Variants in WDR91 observed in about 807,000 individuals in gnomAD.
WDR91 encodes WD repeat-containing protein 91.
WDR91 carries 52 observed loss-of-function variants against 88.4 expected under a neutral mutation model. The ratio of observed to expected loss-of-function variants is 0.59; its 90% CI spans 0.47 to 0.74. WDR91 has a LOEUF of 0.74. Among genes scored for constraint, WDR91 ranks in the 30% least tolerant of loss-of-function variants. The pLI is 0.00. For synonymous variants in WDR91, 362 were observed against 389.5 expected (o/e 0.93, Z 0.83); for missense variants, 824 against 954.5 (o/e 0.86, Z 1.80).
At chr7:135,192,594 C>T (rs1383460739) in intron 11 of WDR91, among the ~76,000 whole-genome samples, 1 of 152,212 alleles carries the variant, frequency 6.6e-6, no homozygotes, top group Non-Finnish European at 1.5e-5. Context: ...CAGAACAGAA[C>T]AAACTGAACA....
intron 6 of WDR91, among the ~76,000 whole-genome samples, chr7:135,203,649 CTATTTT>C (rs1200085894): frequency 6.6e-6 from 1 of 152,212 alleles, no homozygotes; most frequent in Non-Finnish European, 1.5e-5. Flanking sequence ...TAGCCAAACA[CTATTTT>C]TATATCACCA....
chr7:135,188,526 G>C lies in WDR91; in HGVS notation c.1788C>G (p.Cys596Trp), dbSNP rs754218720. 28 of 1,613,370 alleles carry C rather than the reference G, an allele frequency of 1.7e-5. No individual in the cohort carries two copies. The highest frequency in any genetic ancestry group is 2.3e-5 in the Non-Finnish European group (27 of 1,179,940). The change falls in exon 13 of 15, where the codon TGC (cysteine) becomes TGG (tryptophan). Residue 596 changes from cysteine to tryptophan, a missense_variant. Coordinates refer to ENST00000354475, the MANE Select transcript of WDR91 (RefSeq NM_014149.4). The part of the protein sequence containing the change: ...IRLFDMQQHE[C>W]AMSWRAHYGE... ...CGTAGTGGGCCCTCCAGCTCATCGC[G>C]CACTCATGCTGCTGCATGTCTGAGG...
Position 135,198,016 on chromosome 7 carries a change from G to A in WDR91, c.1027C>T (p.Leu343Phe), listed in dbSNP as rs757406904. The A allele has an allele frequency of 6.2e-7, 1 of 1,614,160 alleles. No individual in the cohort carries two copies. Among genetic ancestry groups the A allele is most frequent in the Non-Finnish European group, 8.5e-7 (1 of 1,179,992 alleles). The stretch of plus-strand genomic sequence containing the variant: ...ACCTGGGAAGTGGTTGTGGAGAAAA[G>A]CTCCTTCCTCTCCTTGCCATGGTCC... Reference protein sequence around the residue: ...LQDHGKERKELFSTTTSQCAE... With the variant: ...LQDHGKERKEFFSTTTSQCAE... Residue 343 changes from leucine (L) to phenylalanine (F), a missense_variant, in exon 7 of 15, where the codon CTT (leucine) becomes TTT (phenylalanine). By Grantham distance (22) the Leu-to-Phe change is conservative (BLOSUM62 0). Coordinates refer to ENST00000354475, the MANE Select transcript of WDR91 (RefSeq NM_014149.4).
Position 135,193,410 on chromosome 7 carries a change from C to A in WDR91, c.1491-11G>T, listed in dbSNP as rs368456332. On this transcript the variant is annotated splice_polypyrimidine_tract_variant and intron_variant, in intron 10 of 14. Transcript: ENST00000354475. ...GCAAGAGACAGGATTCTGCAACACA[C>A]ATGGGCCTGGGTCAGACCCTCTGCC... The A allele has an allele frequency of 5.0e-6, 8 of 1,613,872 alleles. No individual in the cohort carries two copies. The highest frequency in any genetic ancestry group is 6.8e-6 in the Non-Finnish European group (8 of 1,179,842).
intron 1 of WDR91, chr7:135,210,742 C>T: frequency 1.4e-6 from 1 of 702,616 alleles, no homozygotes; most frequent in Non-Finnish European, 2.6e-6. Context: ...TCTCCTAACT[C>T]CCCTCCAGTG....
In WDR91 at chr7:135,196,522, C is replaced by T. The variant is rs896346691; in HGVS notation, c.1051-185G>A. Among the ~76,000 whole-genome samples, 1 of 152,110 alleles carries T rather than the reference C, an allele frequency of 6.6e-6. No individual in the cohort carries two copies. The highest frequency in any genetic ancestry group is 2.4e-5 in the African/African-American group (1 of 41,418). On this transcript the variant is annotated intron_variant, in intron 7 of 14. Transcript: ENST00000354475. This position sits in a 1 kb window ranked among gnomAD's most constrained non-coding sequence, Gnocchi z 4.2. ...CACCCTGGGAGAGTGCAGGGCCTGC[C>T]CTCCTGACAGCCCCTTCCTGGAGAC...
chr7:135,195,214 A>G, intron 8 of WDR91, 130 bp from the exon 9 acceptor site: 1 of 924,434 alleles, frequency 1.1e-6, no homozygotes, highest in Non-Finnish European at 1.6e-6. Context: ...GTCTACATTC[A>G]AAGGACTGGT....
In WDR91 at chr7:135,189,416, T is replaced by C; in HGVS notation, c.1696A>G (p.Asn566Asp). 1 of 1,613,958 alleles carries C rather than the reference T, an allele frequency of 6.2e-7. No individual in the cohort carries two copies. ...FSLDPEPIAI[N>D]CTAFNHNGNL... ...CCGTTGTGATTGAAGGCTGTACAGT[T>C]GATAGCAATGGGTTCTGGATCCAGG... The change falls in exon 12 of 15, where the codon AAC becomes GAC. Residue 566 changes from asparagine (N) to aspartate (D), a missense_variant. Asn to Asp is a conservative substitution (Grantham distance 23). Coordinates refer to ENST00000354475, the MANE Select transcript of WDR91 (RefSeq NM_014149.4).
At chr7:135,191,213 C>T (rs763896708) in intron 11 of WDR91, among the ~76,000 whole-genome samples, 1 of 152,212 alleles carries the variant, frequency 6.6e-6, no homozygotes, top group Non-Finnish European at 1.5e-5. Flanking sequence ...TCTAGAAAAA[C>T]ACATATACTG....
intron 12 of WDR91, among the ~76,000 whole-genome samples, chr7:135,188,933 C>T (rs964063367): frequency 6.6e-6 from 1 of 152,170 alleles, no homozygotes; most frequent in Non-Finnish European, 1.5e-5. Context: ...CAGAGCCCAA[C>T]CTGGGGATTT....
At position 135,185,482 on chromosome 7, in the gene WDR91, G is replaced by A. The variant is rs1585396360; in HGVS notation, c.*669C>T. On this transcript the variant is annotated 3_prime_UTR_variant, in exon 15 of 15. Coordinates refer to ENST00000354475, the MANE Select transcript of WDR91 (RefSeq NM_014149.4). ...GAAACAGCAGCCACTGGATGGAAAG[G>A]GGCAGCCAGTAGCAGAGGCCTCAGC... 6.6e-6 allele frequency: 1 copy of A among 152,196 alleles called. No individual in the cohort carries two copies. Among genetic ancestry groups the A allele is most frequent in the African/African-American group, 2.4e-5 (1 of 41,426 alleles). The allele number at this position is 152,196 out of a possible 1,614,324, so 9.4% of individuals were successfully genotyped here.
chr7:135,186,913 C>CA lies in WDR91; in HGVS notation c.2079+58dup, dbSNP rs34263009. The CA allele has an allele frequency of 6.7e-4, 1,074 of 1,602,728 alleles. 4 individuals carry two copies. The African/African-American group carries it at 0.013, about 19-fold the overall frequency. ...GCTCAGTAGCCATGGCCCAGACCTC[C>CA]AGGGAGGAACCCCTGCCCACCACAA... On this transcript the variant is annotated intron_variant, in intron 14 of 14. Coordinates refer to ENST00000354475, the MANE Select transcript of WDR91 (RefSeq NM_014149.4).
chr7:135,192,042 C>T (rs1197117849), intron 11 of WDR91, among the ~76,000 whole-genome samples: 1 of 150,546 alleles, frequency 6.6e-6, no homozygotes, highest in East Asian at 2.0e-4. Context: ...GCAGCATTTG[C>T]TTATGGACTG....
chr7:135,206,950 A>C (rs779328807), intron 4 of WDR91, 170 bp downstream of exon 4: 1 of 359,058 alleles, frequency 2.8e-6, no homozygotes. Context: ...GTTTTCAGAG[A>C]CTGTTACTCT....
intron 6 of WDR91, chr7:135,200,330 A>G (rs1467183122): frequency 2.6e-5 from 4 of 152,242 alleles, no homozygotes; most frequent in Non-Finnish European, 5.9e-5. Flanking sequence ...CTATGTAAGT[A>G]ATTACCTTCA....
chr7:135,191,047 C>A (rs987946965), intron 11 of WDR91, among the ~76,000 whole-genome samples: 3 of 152,022 alleles, frequency 2.0e-5, no homozygotes, highest in Non-Finnish European at 4.4e-5. Flanking sequence ...ATCCAGAGAA[C>A]CAGGTAAGAT....
chr7:135,205,179 T>A (rs1484405563), intron 5 of WDR91, among the ~76,000 whole-genome samples: 1 of 152,246 alleles, frequency 6.6e-6, no homozygotes, highest in Non-Finnish European at 1.5e-5. Flanking sequence ...AATACCTCTC[T>A]CTAATCTGCC....
At chr7:135,203,424 G>T (rs1157854147) in intron 6 of WDR91, among the ~76,000 whole-genome samples, 1 of 152,216 alleles carries the variant, frequency 6.6e-6, no homozygotes, top group African/African-American at 2.4e-5. Flanking sequence ...TAAACAGTCT[G>T]CAGGCATTTC....
Position 135,204,367 on chromosome 7 carries a change from C to G in WDR91, c.792G>C (p.Ser264=), listed in dbSNP as rs369872179. The G allele has an allele frequency of 1.4e-5, 22 of 1,614,146 alleles. No homozygotes were observed. The African/African-American group carries it at 2.5e-4, about 19-fold the overall frequency. ...GGCTCTTCTTACTCTGAGGCAGCAG[C>G]GAGGACAGGAAGCCCACACGAGGTG... ...SQSPRVGFLS[S]LLPQSKKSPS... The change falls in exon 6 of 15, where the codon TCG becomes TCC. Residue 264 remains serine, a synonymous_variant. Coordinates refer to ENST00000354475, the MANE Select transcript of WDR91 (RefSeq NM_014149.4).
Sources: allele counts gnomAD v4.1 joint callset (sites outside exome capture counted in the v4.1 genomes callset), GRCh38; gene constraint gnomAD v4.1.1; non-coding constraint Gnocchi (gnomAD v3.1); transcripts MANE v1.5; gene names NCBI Gene and HGNC (gene_info 2026-07-23, HGNC 2026-07-21).